Variants in CTNNA3 observed in about 807,000 individuals in gnomAD.
CTNNA3 encodes catenin alpha-3.
Under a neutral mutation model 95.7 loss-of-function variants are expected in CTNNA3, and 76 were observed. That is an observed-to-expected ratio of 0.79 (90% CI 0.66 to 0.96). The LOEUF (loss-of-function observed/expected upper bound fraction) is 0.96. Among genes scored for constraint, CTNNA3 ranks in the 40% least tolerant of loss-of-function variants. The probability of loss-of-function intolerance (pLI) is 0.00; values close to 1 mark genes in which losing one functional copy is unlikely to be tolerated. For missense variants in CTNNA3, 1,191 were observed against 1,089.8 expected, an observed-to-expected ratio of 1.09 and a Z score of -1.31; for synonymous variants, 431 against 374.4, an observed-to-expected ratio of 1.15 and a Z score of -1.74.
intron 3 of CTNNA3, among the ~76,000 whole-genome samples, chr10:67,591,689 T>C (rs1842792474): frequency 1.3e-5 from 2 of 151,856 alleles, no homozygotes; most frequent in African/African-American, 2.4e-5. Flanking sequence ...AAGAGACCTA[T>C]GAGACATGAT....
At chr10:67,189,847 A>C (rs1233666531) in intron 6 of CTNNA3, among the ~76,000 whole-genome samples, 4 of 152,178 alleles carry the variant, frequency 2.6e-5, no homozygotes, top group Admixed American at 2.6e-4. Flanking sequence ...ATTCATCTAT[A>C]GGAGTTTTAA....
intron 2 of CTNNA3, among the ~76,000 whole-genome samples, chr10:67,611,559 G>A (rs907844317): frequency 2.6e-5 from 4 of 151,948 alleles, no homozygotes; most frequent in African/African-American, 7.3e-5. Flanking sequence ...CTCATGATCC[G>A]CCCGCCTCAG....
chr10:67,762,410 A>C (rs1841466947), intron 1 of CTNNA3, among the ~76,000 whole-genome samples: 1 of 151,692 alleles, frequency 6.6e-6, no homozygotes, highest in Non-Finnish European at 1.5e-5. Context: ...TCTCAAAGTA[A>C]AAACTTTGAG....
intron 5 of CTNNA3, among the ~76,000 whole-genome samples, chr10:67,458,539 C>G (rs1252562901): frequency 6.6e-6 from 1 of 152,010 alleles, no homozygotes; most frequent in Non-Finnish European, 1.5e-5. Context: ...AAAGAAGATT[C>G]TAACAGTGAT....
At chr10:67,019,830 C>T (rs939534759) in intron 7 of CTNNA3, among the ~76,000 whole-genome samples, 6 of 152,100 alleles carry the variant, frequency 3.9e-5, no homozygotes, top group African/African-American at 1.2e-4. Context: ...TCTAAGCGTC[C>T]GTTTATGAAC....
At chr10:67,260,587 C>A (rs1866557833) in intron 5 of CTNNA3, among the ~76,000 whole-genome samples, 1 of 152,194 alleles carries the variant, frequency 6.6e-6, no homozygotes, top group South Asian at 2.1e-4. Flanking sequence ...AAGTGTCCTA[C>A]CAATAATGCC....
At position 67,001,504 on chromosome 10, in the gene CTNNA3, T is replaced by C. The variant is rs1477557532; in HGVS notation, c.1047+178813A>G. ...ATGGGGGGCACAGACAGGTGGAAAA[T>C]TTAGAGGAATATAGAATTTTTCACC... On this transcript the variant is annotated intron_variant, in intron 7 of 17. Transcript: ENST00000433211. 2.0e-5 allele frequency among the ~76,000 whole-genome samples: 3 copies of C among 151,240 alleles called. No individual in the cohort carries two copies. The East Asian group carries it at 5.8e-4, about 29-fold the overall frequency.
intron 1 of CTNNA3, among the ~76,000 whole-genome samples, chr10:67,733,584 T>C (rs976557389): frequency 1.3e-5 from 2 of 152,192 alleles, no homozygotes; most frequent in African/African-American, 4.8e-5. Context: ...TACTCACCAC[T>C]TAGCTGGATT....
intron 11 of CTNNA3, among the ~76,000 whole-genome samples, chr10:66,459,405 A>G (rs2093514129): frequency 6.6e-6 from 1 of 152,132 alleles, no homozygotes; most frequent in Admixed American, 6.6e-5. Context: ...TCAATGATCA[A>G]TCATATACCT....
intron 7 of CTNNA3, among the ~76,000 whole-genome samples, chr10:66,780,302 G>A (rs1451700422): frequency 6.6e-6 from 1 of 152,062 alleles, no homozygotes; most frequent in Admixed American, 6.6e-5. Flanking sequence ...AGAAATAGAA[G>A]CATTAAATGG....
At chr10:66,516,297 A>C (rs1213126254) in intron 11 of CTNNA3, among the ~76,000 whole-genome samples, 3 of 152,184 alleles carry the variant, frequency 2.0e-5, no homozygotes, top group Admixed American at 6.5e-5. Context: ...AGATAAGCTT[A>C]TGAAGGCACA....
chr10:66,357,842 A>T (rs1473637957), intron 12 of CTNNA3, among the ~76,000 whole-genome samples: 1 of 152,140 alleles, frequency 6.6e-6, no homozygotes, highest in African/African-American at 2.4e-5. Flanking sequence ...AGATAGTAAC[A>T]CATACGTATA....
At chr10:66,335,043 T>C (rs2092378995) in intron 12 of CTNNA3, among the ~76,000 whole-genome samples, 1 of 152,154 alleles carries the variant, frequency 6.6e-6, no homozygotes, top group South Asian at 2.1e-4. Context: ...GCTTATGCAT[T>C]TGTCATGTAG....
At chr10:66,537,345 T>G (rs1841695728) in intron 10 of CTNNA3, among the ~76,000 whole-genome samples, 2 of 152,066 alleles carry the variant, frequency 1.3e-5, no homozygotes, top group Non-Finnish European at 2.9e-5. Flanking sequence ...CATTCAAGGT[T>G]CAATATGTTT....
intron 7 of CTNNA3, among the ~76,000 whole-genome samples, chr10:66,922,965 A>G (rs1846866562): frequency 6.6e-6 from 1 of 152,148 alleles, no homozygotes. Context: ...AAACAATCCA[A>G]TTATACTTTT....
intron 3 of CTNNA3, among the ~76,000 whole-genome samples, chr10:67,544,959 G>A (rs1459010982): frequency 2.6e-5 from 4 of 152,136 alleles, no homozygotes; most frequent in Admixed American, 2.6e-4. Flanking sequence ...GAAAATGGAA[G>A]GACATGAGCA....
intron 12 of CTNNA3, among the ~76,000 whole-genome samples, chr10:66,376,189 T>A (rs57227004): frequency 0.046 from 7,054 of 152,204 alleles, 350 homozygotes; most frequent in East Asian, 0.23. Flanking sequence ...ACAAAAGAAC[T>A]GAAGTTGACA....
chr10:65,967,231 C>G (rs985206736), intron 16 of CTNNA3, among the ~76,000 whole-genome samples: 3 of 152,014 alleles, frequency 2.0e-5, no homozygotes, highest in African/African-American at 7.3e-5. Context: ...GCTGGGATTA[C>G]AGGCGTGAGC....
At chr10:67,101,073 C>T (rs1033670729) in intron 7 of CTNNA3, among the ~76,000 whole-genome samples, 53 of 151,862 alleles carry the variant, frequency 3.5e-4, no homozygotes, top group African/African-American at 1.2e-3. Flanking sequence ...TGGGCTCTCA[C>T]ATTAAAACTC....
Sources: allele counts gnomAD v4.1 joint callset (sites outside exome capture counted in the v4.1 genomes callset), GRCh38; gene constraint gnomAD v4.1.1; transcripts MANE v1.5; gene names NCBI Gene and HGNC (gene_info 2026-07-23, HGNC 2026-07-21).